The following RGS6 variants were observed in gnomAD, a reference collection of about 807,000 sequenced individuals.
RGS6 encodes the protein regulator of G-protein signaling 6.
A neutral mutation model predicts 78.5 loss-of-function variants in RGS6; 30 were observed. The ratio of observed to expected loss-of-function variants is 0.38; its 90% CI spans 0.29 to 0.52. The LOEUF (loss-of-function observed/expected upper bound fraction) is 0.52. RGS6 is among the 20% of genes least tolerant of loss of function. The probability of loss-of-function intolerance (pLI) is 0.85; values close to 1 mark genes in which losing one functional copy is unlikely to be tolerated. For synonymous variants in RGS6, 206 were observed against 206.0 expected, an observed-to-expected ratio of 1.00 and a Z score of 0.00; for missense variants, 495 against 609.7, an observed-to-expected ratio of 0.81 and a Z score of 1.98.
chr14:72,610,548 C>T, the RGS6 span, among the ~76,000 whole-genome samples: 7 of 152,232 alleles, frequency 4.6e-5, no homozygotes, highest in Admixed American at 4.6e-4. Flanking sequence ...AGAAATTGAG[C>T]TTACAAATTG....
At chr14:72,609,755 C>G in the RGS6 span, among the ~76,000 whole-genome samples, 1 of 152,246 alleles carries the variant, frequency 6.6e-6, no homozygotes, top group South Asian at 2.1e-4. Context: ...GCTGTCGTTG[C>G]TTTTTAGAGA....
intron 2 of RGS6, among the ~76,000 whole-genome samples, chr14:72,045,906 C>T (rs183549139): frequency 1.5e-3 from 232 of 152,134 alleles, no homozygotes; most frequent in Admixed American, 3.1e-3. Context: ...TGTCCCCCCA[C>T]GCCCCCGCAC....
At chr14:72,216,440 AC>A (rs2045592321) in intron 2 of RGS6, among the ~76,000 whole-genome samples, 1 of 152,224 alleles carries the variant, frequency 6.6e-6, no homozygotes. Context: ...AAGGCACCGC[AC>A]CAACACGAGG....
chr14:72,117,001 A>G (rs1388787955), intron 2 of RGS6, among the ~76,000 whole-genome samples: 1 of 148,576 alleles, frequency 6.7e-6, no homozygotes, highest in Non-Finnish European at 1.5e-5. Flanking sequence ...AGTTTAAAGT[A>G]GAGTGATATG....
At chr14:72,299,989 T>C (rs866097828) in intron 2 of RGS6, among the ~76,000 whole-genome samples, 4 of 152,172 alleles carry the variant, frequency 2.6e-5, no homozygotes, top group Admixed American at 2.0e-4. Flanking sequence ...TAATTTTATA[T>C]TTCATTTCTC....
chr14:72,603,780 G>C, the RGS6 span, among the ~76,000 whole-genome samples: 1 of 152,112 alleles, frequency 6.6e-6, no homozygotes, highest in Non-Finnish European at 1.5e-5. Flanking sequence ...TTCCTGCTTG[G>C]GTGGTTGGGG....
chr14:72,068,641 C>G (rs749762306), intron 2 of RGS6, among the ~76,000 whole-genome samples: 1 of 151,296 alleles, frequency 6.6e-6, no homozygotes, highest in Non-Finnish European at 1.5e-5. Flanking sequence ...GGATTACAGG[C>G]GCCTGCCACC....
intron 2 of RGS6, among the ~76,000 whole-genome samples, chr14:72,144,649 C>CT (rs1207283606): frequency 6.6e-6 from 1 of 152,146 alleles, no homozygotes; most frequent in Non-Finnish European, 1.5e-5. Flanking sequence ...TGTGTGTACA[C>CT]TATGTAGCTA....
At chr14:72,441,040 G>A (rs984322785) in intron 3 of RGS6, among the ~76,000 whole-genome samples, 2 of 152,198 alleles carry the variant, frequency 1.3e-5, no homozygotes, top group Admixed American at 1.3e-4. Flanking sequence ...GGTGTCTGTT[G>A]CATCTATGCA....
At chr14:72,422,136 T>G (rs187191738) in intron 3 of RGS6, among the ~76,000 whole-genome samples, 3 of 152,312 alleles carry the variant, frequency 2.0e-5, no homozygotes, top group Admixed American at 2.0e-4. Flanking sequence ...ATGTAAGACA[T>G]GACTTGCACC....
At chr14:72,137,253 C>T (rs983833869) in intron 2 of RGS6, among the ~76,000 whole-genome samples, 5 of 152,190 alleles carry the variant, frequency 3.3e-5, no homozygotes, top group Non-Finnish European at 7.3e-5. Context: ...TTTGTAAAAC[C>T]CTTTCTGCAG....
At chr14:72,127,361 T>C (rs1221928265) in intron 2 of RGS6, among the ~76,000 whole-genome samples, 1 of 152,216 alleles carries the variant, frequency 6.6e-6, no homozygotes, top group Non-Finnish European at 1.5e-5. Context: ...AATCTTTGTC[T>C]CCAGTTTTTA....
intron 2 of RGS6, among the ~76,000 whole-genome samples, chr14:72,019,355 C>T (rs911291198): frequency 2.6e-5 from 4 of 152,188 alleles, no homozygotes; most frequent in African/African-American, 9.7e-5. Flanking sequence ...TTAGTCTCAC[C>T]TGGTAATTCT....
chr14:72,105,963 C>A (rs552165510), intron 2 of RGS6, among the ~76,000 whole-genome samples: 12 of 152,116 alleles, frequency 7.9e-5, no homozygotes, highest in Non-Finnish European at 1.6e-4. Flanking sequence ...CATTGTAAGA[C>A]GTCTTCAGCG....
intron 2 of RGS6, among the ~76,000 whole-genome samples, chr14:72,202,862 G>GT (rs1249263708): frequency 3.3e-5 from 5 of 151,706 alleles, no homozygotes; most frequent in Non-Finnish European, 7.4e-5. Context: ...GATGGATCCT[G>GT]TTTTTTGTTT....
At chr14:72,333,491 C>A (rs994488418) in intron 2 of RGS6, among the ~76,000 whole-genome samples, 6 of 152,196 alleles carry the variant, frequency 3.9e-5, no homozygotes, top group Middle Eastern at 3.2e-3. Flanking sequence ...GAACTCCAGG[C>A]AGCTCTCTGG....
intron 2 of RGS6, among the ~76,000 whole-genome samples, chr14:72,223,171 TG>T (rs1223784457): frequency 6.6e-6 from 1 of 152,210 alleles, no homozygotes; most frequent in Non-Finnish European, 1.5e-5. Flanking sequence ...ATGATCAGTC[TG>T]TAAGCCCTAA....
intron 3 of RGS6, among the ~76,000 whole-genome samples, chr14:72,402,409 CAAT>C (rs920162517): frequency 1.3e-5 from 2 of 151,962 alleles, no homozygotes; most frequent in Admixed American, 1.3e-4. Flanking sequence ...GGAAAGAAAA[CAAT>C]AAACAGGGTT....
intron 10 of RGS6, among the ~76,000 whole-genome samples, chr14:72,475,825 T>TACATGC (rs1555424257): frequency 1.0e-5 from 1 of 96,126 alleles, no homozygotes; most frequent in African/African-American, 4.2e-5. Flanking sequence ...TAAAAAAAAA[T>TACATGC]ACACGCACAC....
Sources: gnomAD v4.1 joint callset for allele counts (sites outside exome capture counted in the v4.1 genomes callset) on GRCh38, gnomAD v4.1.1 for gene constraint, MANE v1.5 for transcripts, NCBI Gene and HGNC (gene_info 2026-07-23, HGNC 2026-07-21) for gene names.